Variants in GRIA1 observed in about 807,000 individuals in gnomAD.
GRIA1 encodes glutamate receptor 1.
In GRIA1, 31 loss-of-function variants were observed where a neutral mutation model predicts 99.2. The observed-to-expected ratio is 0.31, with a 90% confidence interval of 0.23 to 0.42. The LOEUF (loss-of-function observed/expected upper bound fraction) is 0.42. Ranked by LOEUF, GRIA1 falls within the 10% of genes least tolerant of loss-of-function variation. GRIA1 has a pLI of 1.00. For synonymous variants in GRIA1, 438 were observed against 432.4 expected, an observed-to-expected ratio of 1.01 and a Z score of -0.16; for missense variants, 782 against 1,157.5, an observed-to-expected ratio of 0.68 and a Z score of 4.71.
chr5:153,498,924 C>T (rs922964431), intron 2 of GRIA1, among the ~76,000 whole-genome samples: 11 of 152,156 alleles, frequency 7.2e-5, no homozygotes, highest in Admixed American at 7.2e-4. Flanking sequence ...GTAGGCCAAT[C>T]TACTCATACC....
intron 12 of GRIA1, among the ~76,000 whole-genome samples, chr5:153,767,651 C>T (rs1214680312): frequency 1.3e-5 from 2 of 151,232 alleles, no homozygotes; most frequent in Admixed American, 1.3e-4. Context: ...AATAGTGAGA[C>T]AAGAATTCTT....
At chr5:153,762,849 C>T (rs1250805905) in intron 11 of GRIA1, among the ~76,000 whole-genome samples, 2 of 152,214 alleles carry the variant, frequency 1.3e-5, no homozygotes, top group South Asian at 2.1e-4. Flanking sequence ...ATATCTTCCT[C>T]ATATTTAAGT....
intron 2 of GRIA1, among the ~76,000 whole-genome samples, chr5:153,594,662 T>C (rs1489389339): frequency 6.6e-6 from 1 of 152,120 alleles, no homozygotes; most frequent in Non-Finnish European, 1.5e-5. Flanking sequence ...GACTATCTGC[T>C]CTTATAAGTA....
At chr5:153,778,742 A>G (rs1467825973) in intron 13 of GRIA1, among the ~76,000 whole-genome samples, 1 of 152,126 alleles carries the variant, frequency 6.6e-6, no homozygotes, top group Admixed American at 6.5e-5. Context: ...ACAAATAAGA[A>G]AACAGGTTAT....
intron 2 of GRIA1, among the ~76,000 whole-genome samples, chr5:153,495,952 A>G (rs1462306343): frequency 6.6e-6 from 1 of 152,232 alleles, no homozygotes; most frequent in Non-Finnish European, 1.5e-5. Flanking sequence ...CATACTTTAT[A>G]GCTTTTGTAT....
intron 2 of GRIA1, among the ~76,000 whole-genome samples, chr5:153,556,758 G>A (rs892992970): frequency 6.6e-6 from 1 of 152,160 alleles, no homozygotes; most frequent in Non-Finnish European, 1.5e-5. Flanking sequence ...TGTACTCTCT[G>A]TAACCCTACA....
At chr5:153,489,914 G>A, upstream of GRIA1, 2 of 450,254 alleles carry the variant, frequency 4.4e-6, no homozygotes, top group South Asian at 3.2e-5. Flanking sequence ...GGGAAAGAGA[G>A]AAGGGGGCCC....
chr5:153,764,261 A>G (rs1359322089), intron 11 of GRIA1, among the ~76,000 whole-genome samples, 173 bp from the exon 12 acceptor site: 1 of 152,188 alleles, frequency 6.6e-6, no homozygotes, highest in Non-Finnish European at 1.5e-5. Flanking sequence ...TAAGGAACAA[A>G]ATATGGAGTC....
intron 2 of GRIA1, among the ~76,000 whole-genome samples, chr5:153,618,668 A>T (rs757142957): frequency 3.9e-5 from 6 of 152,332 alleles, no homozygotes; most frequent in East Asian, 1.9e-4. Context: ...TAAGGGAGTT[A>T]TAATATGCAC....
chr5:153,768,472 T>A (rs1484691959), intron 12 of GRIA1, among the ~76,000 whole-genome samples: 3 of 152,202 alleles, frequency 2.0e-5, no homozygotes, highest in African/African-American at 7.2e-5. Flanking sequence ...GCCAGTCCAG[T>A]GTCCTTTCTA....
chr5:153,700,297 A>G (rs1222999798), intron 10 of GRIA1, among the ~76,000 whole-genome samples: 17 of 152,220 alleles, frequency 1.1e-4, no homozygotes. Context: ...AGGCAGGAGA[A>G]TCACTTGAAC....
Position 153,605,849 on chromosome 5 carries a change from C to T in GRIA1, c.221-41079C>T, listed in dbSNP as rs547846660. Among the ~76,000 whole-genome samples the T allele has an allele frequency of 3.3e-5, 5 of 152,270 alleles. No individual in the cohort carries two copies. In the East Asian group the frequency reaches 9.6e-4, roughly 29 times the overall value. ...TTTAGGTATTCTAAATGTGAGCCTT[C>T]AGTCAAATGTGTATGTTGCAAATAT... On this transcript the variant is annotated intron_variant, in intron 2 of 15. Transcript: ENST00000285900.
chr5:153,590,735 ACTGTTAT>A (rs1763900105), intron 2 of GRIA1, among the ~76,000 whole-genome samples: 1 of 152,108 alleles, frequency 6.6e-6, no homozygotes, highest in South Asian at 2.1e-4. Context: ...CCTCTTCAAA[ACTGTTAT>A]CTATACCAAG....
At chr5:153,743,950 G>C (rs1361684871) in intron 11 of GRIA1, among the ~76,000 whole-genome samples, 1 of 152,136 alleles carries the variant, frequency 6.6e-6, no homozygotes, top group Non-Finnish European at 1.5e-5. Context: ...TGGACACAGG[G>C]CCCAGGTCCT....
intron 10 of GRIA1, among the ~76,000 whole-genome samples, chr5:153,700,189 A>G (rs929201563): frequency 3.5e-4 from 54 of 152,134 alleles, no homozygotes; most frequent in African/African-American, 1.2e-3. Flanking sequence ...ATTTGAGACT[A>G]GCCTGGCCAA....
intron 2 of GRIA1, among the ~76,000 whole-genome samples, chr5:153,606,494 A>G (rs541669652): frequency 1.3e-5 from 2 of 152,198 alleles, no homozygotes; most frequent in East Asian, 1.9e-4. Context: ...GGGAGAGTTG[A>G]TATCTTTACA....
At position 153,806,859 on chromosome 5, in the gene GRIA1, A is replaced by G. The variant is rs558467131; in HGVS notation, c.2521-4166A>G. Among the ~76,000 whole-genome samples, 3 of 152,360 alleles carry G rather than the reference A, an allele frequency of 2.0e-5. No homozygotes were observed. In the South Asian group the frequency reaches 6.2e-4, roughly 32 times the overall value. On this transcript the variant is annotated intron_variant, in intron 15 of 15. Transcript: ENST00000285900. ...AAATAAAGGTTCAAAGAAGCTAAGT[A>G]GCTTTTCCTGACTAGGTCACACAAG...
At chr5:153,717,573 A>G (rs1759755988) in intron 11 of GRIA1, among the ~76,000 whole-genome samples, 1 of 152,068 alleles carries the variant, frequency 6.6e-6, no homozygotes, top group Non-Finnish European at 1.5e-5. Context: ...TGATAAACCC[A>G]ATACCATGAC....
intron 1 of GRIA1, chr5:153,492,166 G>C: frequency 1.3e-6 from 2 of 1,505,856 alleles, no homozygotes; most frequent in Non-Finnish European, 8.9e-7. Context: ...TTTGAGGGGG[G>C]ATGTGGTGCA....
Sources: gnomAD v4.1 joint callset for allele counts (sites outside exome capture counted in the v4.1 genomes callset) on GRCh38, gnomAD v4.1.1 for gene constraint, MANE v1.5 for transcripts, NCBI Gene and HGNC (gene_info 2026-07-23, HGNC 2026-07-21) for gene names.